Variants in TBC1D12 observed in about 807,000 individuals in gnomAD.
TBC1D12 encodes the protein TBC1 domain family, member 12.
In TBC1D12, 56 loss-of-function variants were observed where a neutral mutation model predicts 86.7. The observed-to-expected ratio is 0.65, with a 90% CI of 0.52 to 0.81. The LOEUF (loss-of-function observed/expected upper bound fraction) is 0.81. TBC1D12 is among the 30% of genes least tolerant of loss of function. The probability of loss-of-function intolerance (pLI) is 0.00; values close to 1 mark genes in which losing one functional copy is unlikely to be tolerated. For missense variants in TBC1D12, 1,023 were observed against 1,038.8 expected, an observed-to-expected ratio of 0.98 and a Z score of 0.21; for synonymous variants, 421 against 411.7, an observed-to-expected ratio of 1.02 and a Z score of -0.27.
intron 3 of TBC1D12, among the ~76,000 whole-genome samples, chr10:94,480,497 A>G (rs934650832): frequency 2.8e-4 from 43 of 152,110 alleles, no homozygotes; most frequent in African/African-American, 9.9e-4. Flanking sequence ...TGTGCAAGTC[A>G]TACTATTCTG....
intron 3 of TBC1D12, among the ~76,000 whole-genome samples, chr10:94,476,297 C>T (rs959856201): frequency 4.6e-5 from 7 of 152,090 alleles, no homozygotes; most frequent in Non-Finnish European, 7.4e-5. Flanking sequence ...TTATTAAGTA[C>T]ATTATTCTTT....
intron 1 of TBC1D12, among the ~76,000 whole-genome samples, chr10:94,409,660 G>A (rs1389662119): frequency 6.6e-6 from 1 of 152,102 alleles, no homozygotes; most frequent in African/African-American, 2.4e-5. Context: ...ATAGGCATGA[G>A]CTACGCATCT....
At chr10:94,414,825 C>G (rs2054977752) in intron 1 of TBC1D12, among the ~76,000 whole-genome samples, 1 of 152,158 alleles carries the variant, frequency 6.6e-6, no homozygotes, top group Non-Finnish European at 1.5e-5. Flanking sequence ...GTCTCGAACT[C>G]CTGACCTGAA....
In TBC1D12 at chr10:94,494,220, C is replaced by T. The variant is rs183953896; in HGVS notation, c.1294+773C>T. 1.5e-3 allele frequency among the ~76,000 whole-genome samples: 235 copies of T among 152,046 alleles called. 1 individual carries two copies. Among genetic ancestry groups the T allele is most frequent in the Non-Finnish European group, 2.7e-3 (186 of 67,960 alleles). On this transcript the variant is annotated intron_variant, in intron 4 of 12. Transcript: ENST00000225235. ...AGGATAATTTAATGGTGTTTATTTCCTGACAGTTGTTATTTCAGGATAAAC... is the reference window on the plus strand; with the variant it reads ...AGGATAATTTAATGGTGTTTATTTCTTGACAGTTGTTATTTCAGGATAAAC...
In TBC1D12 at chr10:94,455,303, G is replaced by A. The variant is rs567045859; in HGVS notation, c.1095+13284G>A. On this transcript the variant is annotated intron_variant, in intron 2 of 12. Coordinates refer to ENST00000225235, the MANE Select transcript of TBC1D12 (RefSeq NM_015188.2). ...ATTAGATTTGCTAATATTTTCTTGA[G>A]GAATTTTTGCATTTATGTTTATAAG... is the stretch of plus-strand genomic sequence containing the variant. Among the ~76,000 whole-genome samples, 14 of 151,994 alleles carry A rather than the reference G, an allele frequency of 9.2e-5. 1 individual carries two copies. The South Asian group carries it at 2.7e-3, about 29-fold the overall frequency.
In TBC1D12 at chr10:94,403,095, G is replaced by A. The variant is rs2054792974; in HGVS notation, c.482G>A (p.Arg161Gln). The A allele has an allele frequency of 1.4e-6, 2 of 1,407,888 alleles. No individual in the cohort carries two copies. Among genetic ancestry groups the A allele is most frequent in the Admixed American group, 3.6e-5 (1 of 27,612 alleles). 87.2% of individuals were successfully genotyped at this position (1,407,888 alleles called of 1,614,324 possible). The change falls in exon 1 of 13, where the codon CGG becomes CAG. Residue 161 changes from arginine (R) to glutamine (Q), a missense_variant. By Grantham distance (43) the Arg-to-Gln change is conservative. Transcript: ENST00000225235. ...EARGLARAGG[R>Q]ESRRRRPYGR... ...CGCGGGCTGGCGCGCGCCGGCGGCCGGGAGTCGCGCCGCCGCCGCCCCTAC... is the reference window on the plus strand; with the variant it reads ...CGCGGGCTGGCGCGCGCCGGCGGCCAGGAGTCGCGCCGCCGCCGCCCCTAC...
At chr10:94,514,373 G>A (rs1053101209) in intron 9 of TBC1D12, among the ~76,000 whole-genome samples, 1 of 152,068 alleles carries the variant, frequency 6.6e-6, no homozygotes, top group Non-Finnish European at 1.5e-5. Flanking sequence ...AAAAATTAAA[G>A]TTACTCCTCC....
chr10:94,455,847 C>G (rs960374100), intron 2 of TBC1D12, among the ~76,000 whole-genome samples: 1 of 152,016 alleles, frequency 6.6e-6, no homozygotes, highest in African/African-American at 2.4e-5. Context: ...AGTCCCAACT[C>G]CTTGGGAGAC....
At chr10:94,526,444 A>G (rs11188004) in intron 11 of TBC1D12, among the ~76,000 whole-genome samples, 4,015 of 152,030 alleles carry the variant, frequency 0.026, 176 homozygotes, top group African/African-American at 0.089. Context: ...AAAAAAAAAA[A>G]AAAGAAAGAA....
intron 11 of TBC1D12, among the ~76,000 whole-genome samples, chr10:94,525,377 C>T (rs1389872917): frequency 6.6e-6 from 1 of 151,868 alleles, no homozygotes; most frequent in Non-Finnish European, 1.5e-5. Context: ...TTTGGGAAGC[C>T]GAGGTGGGCA....
intron 1 of TBC1D12, among the ~76,000 whole-genome samples, chr10:94,410,541 A>G (rs1332022370): frequency 6.6e-6 from 1 of 152,070 alleles, no homozygotes; most frequent in African/African-American, 2.4e-5. Flanking sequence ...GTGCCCAGCC[A>G]CAGTTTTTTT....
At chr10:94,492,376 C>T (rs1187969519) in intron 3 of TBC1D12, among the ~76,000 whole-genome samples, 1 of 152,098 alleles carries the variant, frequency 6.6e-6, no homozygotes, top group Non-Finnish European at 1.5e-5. Context: ...AGCAGTTTGA[C>T]AGTTTATTGT....
chr10:94,474,400 C>T (rs2055955516), intron 2 of TBC1D12, among the ~76,000 whole-genome samples: 1 of 151,696 alleles, frequency 6.6e-6, no homozygotes, highest in African/African-American at 2.4e-5. Context: ...TGACCCTTGC[C>T]CAGGCTGGTC....
At chr10:94,525,796 T>C (rs566904176) in intron 11 of TBC1D12, among the ~76,000 whole-genome samples, 3 of 152,232 alleles carry the variant, frequency 2.0e-5, no homozygotes, top group African/African-American at 7.2e-5. Context: ...TTTCACTCTT[T>C]TGAAGTTTTA....
At position 94,470,298 on chromosome 10, in the gene TBC1D12, CA is replaced by C. The variant is rs1022817711; in HGVS notation, c.1096-4365del. ...AGTTGGGTTTTCTGTTATATATAAT[CA>C]AAAACATCTTAATAAATAGCATATA... On this transcript the variant is annotated intron_variant, in intron 2 of 12. Transcript: ENST00000225235. 5.3e-5 allele frequency among the ~76,000 whole-genome samples: 8 copies of C among 152,180 alleles called. No homozygotes were observed. The East Asian group carries it at 9.6e-4, about 18-fold the overall frequency.
At position 94,536,292 on chromosome 10, in the gene TBC1D12, A is replaced by C. The variant is rs1842536383; in HGVS notation, c.*3196A>C. On this transcript the variant is annotated 3_prime_UTR_variant, in exon 13 of 13. Transcript: ENST00000225235. ...ACTCAATATATATATTTCTTACTTA[A>C]TGTTCCTTTAGTCCAGGTCTACAAT... 6.6e-6 allele frequency among the ~76,000 whole-genome samples: 1 copy of C among 152,092 alleles called. No individual in the cohort carries two copies. The highest frequency in any genetic ancestry group is 2.4e-5 in the African/African-American group (1 of 41,446).
At chr10:94,410,131 A>G (rs2054911372) in intron 1 of TBC1D12, among the ~76,000 whole-genome samples, 1 of 152,206 alleles carries the variant, frequency 6.6e-6, no homozygotes, top group East Asian at 1.9e-4. Context: ...CTCCATGGAA[A>G]GCCAATGATG....
intron 1 of TBC1D12, among the ~76,000 whole-genome samples, chr10:94,423,193 C>T (rs1429045244): frequency 6.6e-6 from 1 of 152,104 alleles, no homozygotes; most frequent in East Asian, 1.9e-4. Context: ...CACAGAGTGC[C>T]AGGAACAGTG....
intron 2 of TBC1D12, among the ~76,000 whole-genome samples, chr10:94,459,493 C>T (rs570054150): frequency 1.3e-5 from 2 of 151,170 alleles, no homozygotes; most frequent in South Asian, 2.1e-4. Flanking sequence ...GCTGTGCGCC[C>T]GCATTCCTCA....
Sources: allele counts gnomAD v4.1 joint callset (sites outside exome capture counted in the v4.1 genomes callset), GRCh38; gene constraint gnomAD v4.1.1; transcripts MANE v1.5; gene names NCBI Gene and HGNC (gene_info 2026-07-23, HGNC 2026-07-21).